SNX29: variants seen among roughly 807,000 people sequenced by gnomAD.
SNX29 encodes sorting nexin 29, also known as sorting nexin-29.
A neutral mutation model predicts 102.1 loss-of-function variants in SNX29; 78 were observed. The ratio of observed to expected loss-of-function variants is 0.76; its 90% CI spans 0.64 to 0.92. The LOEUF (loss-of-function observed/expected upper bound fraction) is 0.92, where lower values mean the gene tolerates loss of function less well. SNX29 is among the 40% of genes least tolerant of loss of function. SNX29 has a pLI of 0.00. For synonymous variants in SNX29, 580 were observed against 414.5 expected, an observed-to-expected ratio of 1.40 and a Z score of -4.85; for missense variants, 1,280 against 1,061.7, an observed-to-expected ratio of 1.21 and a Z score of -2.86.
At chr16:12,554,184 G>T (rs781595352) in intron 20 of SNX29, among the ~76,000 whole-genome samples, 1 of 152,170 alleles carries the variant, frequency 6.6e-6, no homozygotes, top group African/African-American at 2.4e-5. Flanking sequence ...AATAAGTTCT[G>T]GCTTAAACCA....
chr16:12,541,819 C>A (rs535266669), intron 20 of SNX29, among the ~76,000 whole-genome samples: 2 of 152,092 alleles, frequency 1.3e-5, no homozygotes, highest in East Asian at 3.9e-4. Flanking sequence ...GAACCAAGCT[C>A]GCCTCTTCCC....
intron 20 of SNX29, among the ~76,000 whole-genome samples, chr16:12,548,315 T>C (rs986483819): frequency 6.6e-6 from 1 of 152,162 alleles, no homozygotes; most frequent in Non-Finnish European, 1.5e-5. Context: ...AGCCCTACTC[T>C]CCTGGCTTGG....
chr16:12,516,272 G>A (rs2089860058), intron 19 of SNX29, among the ~76,000 whole-genome samples: 1 of 152,074 alleles, frequency 6.6e-6, no homozygotes, highest in South Asian at 2.1e-4. Context: ...TTAAGCCCAG[G>A]AGTTCAAGAC....
intron 19 of SNX29, among the ~76,000 whole-genome samples, chr16:12,491,528 T>TA (rs905222559): frequency 5.3e-5 from 8 of 152,120 alleles, no homozygotes; most frequent in African/African-American, 9.7e-5. Context: ...TTATGTGACT[T>TA]ATTTTTTTTT....
chr16:12,460,945 G>T (rs1350376726), intron 18 of SNX29, among the ~76,000 whole-genome samples: 1 of 152,202 alleles, frequency 6.6e-6, no homozygotes, highest in Non-Finnish European at 1.5e-5. Context: ...CCAGCCAAAT[G>T]TGTGAACTTC....
chr16:12,144,824 C>T (rs2054997122), intron 13 of SNX29, among the ~76,000 whole-genome samples: 1 of 152,320 alleles, frequency 6.6e-6, no homozygotes, highest in South Asian at 2.1e-4. Context: ...CGGATTCACA[C>T]CATTCTCCTG....
intron 3 of SNX29, among the ~76,000 whole-genome samples, chr16:12,024,745 G>T (rs2057140290): frequency 6.6e-6 from 1 of 152,158 alleles, no homozygotes; most frequent in Non-Finnish European, 1.5e-5. Flanking sequence ...GGCAGTTATT[G>T]ACTTGTGCAT....
intron 13 of SNX29, among the ~76,000 whole-genome samples, chr16:12,148,263 C>G (rs2055150229): frequency 6.6e-6 from 1 of 152,198 alleles, no homozygotes; most frequent in African/African-American, 2.4e-5. Context: ...CTACAAAATG[C>G]CCTTTGTTAT....
At chr16:12,231,536 A>AC (rs1168758584) in intron 14 of SNX29, among the ~76,000 whole-genome samples, 26 of 150,444 alleles carry the variant, frequency 1.7e-4, no homozygotes, top group Admixed American at 1.5e-3. Context: ...CCTTTTTAAA[A>AC]AAAAAACAAA....
intron 14 of SNX29, among the ~76,000 whole-genome samples, chr16:12,251,861 G>T (rs2078432840): frequency 6.6e-6 from 1 of 152,076 alleles, no homozygotes; most frequent in Non-Finnish European, 1.5e-5. Context: ...CTGGACTCAG[G>T]CAGTCCTCTT....
intron 14 of SNX29, among the ~76,000 whole-genome samples, chr16:12,239,396 A>G (rs189702362): frequency 6.6e-6 from 1 of 152,122 alleles, no homozygotes; most frequent in Non-Finnish European, 1.5e-5. Context: ...GGTCGTATGT[A>G]GCCTACTGGA....
At chr16:12,086,566 C>T (rs2052202644) in intron 11 of SNX29, among the ~76,000 whole-genome samples, 1 of 151,982 alleles carries the variant, frequency 6.6e-6, no homozygotes, top group African/African-American at 2.4e-5. Flanking sequence ...GCATGCCACC[C>T]CGCCCGGCTG....
chr16:12,462,016 TACACACACAC>T (rs375061825), intron 18 of SNX29, among the ~76,000 whole-genome samples: 80 of 65,174 alleles, frequency 1.2e-3, no homozygotes, highest in African/African-American at 6.3e-3. Flanking sequence ...TATATATGTA[TACACACACAC>T]ACACACACAC....
At chr16:12,144,988 T>C (rs111574704) in intron 13 of SNX29, among the ~76,000 whole-genome samples, 4,579 of 152,322 alleles carry the variant, frequency 0.03, 239 homozygotes, top group African/African-American at 0.11. Context: ...CCCAAAGTGC[T>C]GGGATTACAG....
chr16:12,250,984 C>T (rs769237153), intron 14 of SNX29, among the ~76,000 whole-genome samples: 2 of 152,246 alleles, frequency 1.3e-5, no homozygotes, highest in African/African-American at 4.8e-5. Flanking sequence ...GCTGGCTGCT[C>T]CTCAGAGCTC....
chr16:12,115,801 A>G (rs1704116), intron 11 of SNX29, among the ~76,000 whole-genome samples: 102,885 of 152,074 alleles, frequency 0.68, 35,803 homozygotes, highest in East Asian at 0.91. Context: ...TGTGAAACAC[A>G]TGTGTACCTC....
intron 14 of SNX29, among the ~76,000 whole-genome samples, chr16:12,215,349 G>T (rs2077294616): frequency 6.6e-6 from 1 of 151,728 alleles, no homozygotes; most frequent in African/African-American, 2.4e-5. Context: ...GTATAATGGG[G>T]CCAGACTCTC....
intron 20 of SNX29, among the ~76,000 whole-genome samples, chr16:12,539,919 G>A (rs2077249428): frequency 6.6e-6 from 1 of 152,212 alleles, no homozygotes. Context: ...AGTTTTGGGA[G>A]TTCTTTGTAT....
intron 20 of SNX29, among the ~76,000 whole-genome samples, chr16:12,540,735 C>G (rs1212801251): frequency 6.6e-6 from 1 of 152,190 alleles, no homozygotes; most frequent in South Asian, 2.1e-4. Flanking sequence ...AGCTGGGCAT[C>G]CTTGGGGCAC....
Sources: allele counts gnomAD v4.1 joint callset (sites outside exome capture counted in the v4.1 genomes callset), GRCh38; gene constraint gnomAD v4.1.1; transcripts MANE v1.5; gene names NCBI Gene and HGNC (gene_info 2026-07-23, HGNC 2026-07-21).